The following PDC variants were observed in gnomAD, a reference collection of about 807,000 sequenced individuals.
PDC encodes 33 kDa phototransducing protein.
In PDC, 19 loss-of-function variants were observed where a neutral mutation model predicts 22.2. That is an observed-to-expected ratio of 0.86 (90% CI 0.60 to 1.26). The LOEUF (loss-of-function observed/expected upper bound fraction) is 1.26, where lower values mean the gene tolerates loss of function less well. Among genes scored for constraint, PDC ranks in the 50% most tolerant of loss-of-function variants. The pLI, the probability that PDC is intolerant of heterozygous loss-of-function variation, is 0.00. For synonymous variants in PDC, 97 were observed against 96.2 expected (o/e 1.01, Z -0.05); for missense variants, 274 against 286.8 (o/e 0.96, Z 0.32).
intron 1 of PDC, among the ~76,000 whole-genome samples, chr1:186,458,987 C>T (rs887117302): frequency 6.6e-6 from 1 of 152,120 alleles, no homozygotes; most frequent in African/African-American, 2.4e-5. Context: ...CATGGCAAAA[C>T]CCCATCTCTA....
intron 3 of PDC, 126 bp from the exon 4 acceptor site, chr1:186,444,632 A>T: frequency 3.3e-6 from 2 of 607,864 alleles, no homozygotes; most frequent in Non-Finnish European, 5.7e-6. Flanking sequence ...CCTACCTTTC[A>T]CTCCTGATGT....
In PDC at chr1:186,444,141, T is replaced by G; in HGVS notation, c.579A>C (p.Lys193Asn). ...LDVLPTLLIY[K>N]GGELISNFIS... ...TAAAATTGCTTATGAGTTCCCCACC[T>G]TTATAGATGAGCAGTGTAGGAAGTA... Residue 193 changes from lysine to asparagine, a missense_variant, in exon 4 of 4, where the codon AAA (lysine) becomes AAC (asparagine). By Grantham distance (94) the Lys-to-Asn change is moderately conservative. Transcript: ENST00000391997. 1 of 1,613,970 alleles carries G rather than the reference T, an allele frequency of 6.2e-7. No individual in the cohort carries two copies. The highest frequency in any genetic ancestry group is 8.5e-7 in the Non-Finnish European group (1 of 1,179,882).
chr1:186,455,908 T>C (rs192463787), intron 1 of PDC, among the ~76,000 whole-genome samples: 1 of 131,370 alleles, frequency 7.6e-6, no homozygotes, highest in African/African-American at 2.9e-5. Context: ...GGAGGCGGAG[T>C]TTGCAGTGAG....
intron 1 of PDC, among the ~76,000 whole-genome samples, chr1:186,455,995 ATAT>A (rs1235840194): frequency 7.4e-3 from 411 of 55,462 alleles, no homozygotes; most frequent in Middle Eastern, 0.033. Flanking sequence ...AAAAAAAAAA[ATAT>A]ATATATATAT....
intron 1 of PDC, among the ~76,000 whole-genome samples, chr1:186,453,760 C>G (rs1412534156): frequency 1.3e-5 from 2 of 152,090 alleles, no homozygotes; most frequent in South Asian, 4.2e-4. Context: ...CTACTATGTG[C>G]GGGGTACTCT....
Position 186,444,249 on chromosome 1 carries a change from G to T in PDC, c.471C>A (p.Cys157Ter), listed in dbSNP as rs748845328. ...TAACTATAGGGTATTCTGCTGCAAG[G>T]CATGTTAAACTACTGTTTAGAGCAT... ...GCDALNSSLT[C>*]LAAEYPIVKF... is the part of the protein sequence containing the mutation. Residue 157 changes from cysteine to a stop codon, truncating the protein, a stop_gained, in exon 4 of 4, where the codon TGC becomes TGA. Transcript: ENST00000391997. LOFTEE classifies it high-confidence loss of function. The T allele has an allele frequency of 6.2e-7, 1 of 1,613,990 alleles. No individual in the cohort carries two copies. The highest frequency in any genetic ancestry group is 1.1e-5 in the South Asian group (1 of 91,066).
rs41264616 is a variant in PDC, at chr1:186,448,814, T to G, written c.61+585A>C. 1,752 of 186,804 alleles carry G rather than the reference T, an allele frequency of 9.4e-3. 16 individuals are homozygous for G. Among genetic ancestry groups the G allele is most frequent in the Middle Eastern group, 0.036 (13 of 362 alleles). The allele number at this position is 186,804 out of a possible 1,614,324, so 11.6% of individuals were successfully genotyped here. On this transcript the variant is annotated intron_variant, in intron 2 of 3. Coordinates refer to ENST00000391997, the MANE Select transcript of PDC (RefSeq NM_002597.5). ...AAGAGAGAGGAAATTACCATTCAAA[T>G]AAGATTTAGTAGAGTTAAATGTGAA... is the stretch of plus-strand genomic sequence containing the variant.
chr1:186,444,358 T>G lies in PDC; in HGVS notation c.362A>C (p.Lys121Thr). The G allele has an allele frequency of 6.2e-7, 1 of 1,614,100 alleles. No homozygotes were observed. The highest frequency in any genetic ancestry group is 1.1e-5 in the South Asian group (1 of 91,078). ...YGFVYELETG[K>T]QFLETIEKEL... is the part of the protein sequence containing the mutation. The stretch of plus-strand genomic sequence containing the variant: ...CTTTTCAATTGTTTCTAGGAATTGC[T>G]TTCCAGTTTCCAGCTCATACACAAA... The change falls in exon 4 of 4, where the codon AAG (lysine) becomes ACG (threonine). Residue 121 changes from lysine (K) to threonine (T), a missense_variant. Transcript: ENST00000391997.
chr1:186,457,005 G>A (rs933337904), intron 1 of PDC, among the ~76,000 whole-genome samples: 7 of 152,130 alleles, frequency 4.6e-5, no homozygotes, highest in Admixed American at 1.3e-4. Context: ...TGTGCCCCAC[G>A]GAGTGTCACA....
In PDC at chr1:186,443,769, C is replaced by A; in HGVS notation, c.*210G>T. The A allele has an allele frequency of 2.0e-6, 1 of 505,234 alleles. No individual in the cohort carries two copies. 31.3% of individuals were successfully genotyped at this position (505,234 alleles called of 1,614,324 possible). A position where few individuals can be genotyped will look rare whatever the true frequency, so the allele number is the denominator to read the frequency against. On this transcript the variant is annotated 3_prime_UTR_variant, in exon 4 of 4. Transcript: ENST00000391997. ...TCCTCTTTGTCTACTAATAATGTTGCTGAAGACAGCTCTGTTTTGTAGTCA... is the reference window on the plus strand; with the variant it reads ...TCCTCTTTGTCTACTAATAATGTTGATGAAGACAGCTCTGTTTTGTAGTCA...
intron 1 of PDC, chr1:186,451,035 C>G (rs949544819): frequency 2.0e-5 from 3 of 152,088 alleles, no homozygotes; most frequent in Non-Finnish European, 2.9e-5. Context: ...CACTTCAATC[C>G]TGCATTTGGT....
At chr1:186,452,720 T>C (rs1043458655) in intron 1 of PDC, among the ~76,000 whole-genome samples, 6 of 152,246 alleles carry the variant, frequency 3.9e-5, no homozygotes, top group African/African-American at 1.4e-4. Flanking sequence ...TTAAAAGATT[T>C]CATGTCTACT....
chr1:186,446,121 T>C (rs535971639), intron 3 of PDC, among the ~76,000 whole-genome samples: 1 of 152,334 alleles, frequency 6.6e-6, no homozygotes, highest in East Asian at 1.9e-4. Context: ...TCTTTACATG[T>C]TTTCAAAACA....
chr1:186,446,367 T>G (rs991583886), intron 3 of PDC, 59 bp downstream of exon 3: 2 of 1,262,138 alleles, frequency 1.6e-6, no homozygotes, highest in African/African-American at 3.0e-5. Flanking sequence ...TTCTCTAGAT[T>G]GATTTAGATT....
rs56927589 is a variant in PDC at position 186,459,752 on chromosome 1, GTATATATATATATA to G, written c.-25+1293_-25+1306del. ...TACAATGGACAATATGTGTGTGTGT[GTATATATATATATA>G]TATATATATATATATTTAAAATGGA... On this transcript the variant is annotated intron_variant, in intron 1 of 3. Coordinates refer to ENST00000391997, the MANE Select transcript of PDC (RefSeq NM_002597.5). Among the ~76,000 whole-genome samples the G allele has an allele frequency of 1.5e-3, 169 of 112,114 alleles. 1 individual carries two copies. The highest frequency in any genetic ancestry group is 3.4e-3 in the Admixed American group (36 of 10,636). 73.6% of individuals were successfully genotyped at this position (112,114 alleles called of 152,430 possible).
At chr1:186,452,588 C>T (rs1662375545) in intron 1 of PDC, among the ~76,000 whole-genome samples, 1 of 152,180 alleles carries the variant, frequency 6.6e-6, no homozygotes, top group African/African-American at 2.4e-5. Flanking sequence ...AATTTCGGCA[C>T]ATAATAACTG....
chr1:186,452,164 A>C lies in PDC; in HGVS notation c.-24-2681T>G, dbSNP rs185861690. 7.6e-3 allele frequency among the ~76,000 whole-genome samples: 1,155 copies of C among 152,200 alleles called. 1 individual carries two copies. Among genetic ancestry groups the C allele is most frequent in the Middle Eastern group, 0.017 (5 of 294 alleles). Reference sequence around the variant, plus strand: ...TTCCTATTAATTTATCCTGTCACCAACTCACTCTGGGGTTTTCTGATTATC... The same window carrying C: ...TTCCTATTAATTTATCCTGTCACCACCTCACTCTGGGGTTTTCTGATTATC... On this transcript the variant is annotated intron_variant, in intron 1 of 3. Transcript: ENST00000391997.
At chr1:186,448,994 TATC>T (rs1209159306) in intron 2 of PDC, among the ~76,000 whole-genome samples, 1 of 152,104 alleles carries the variant, frequency 6.6e-6, no homozygotes, top group African/African-American at 2.4e-5. Flanking sequence ...GGGAATATCT[TATC>T]ATTCCCTTTA....
Position 186,443,947 on chromosome 1 carries a change from G to A in PDC, c.*32C>T, listed in dbSNP as rs1662160170. 2 of 1,515,752 alleles carry A rather than the reference G, an allele frequency of 1.3e-6. No homozygotes were observed. Among genetic ancestry groups the A allele is most frequent in the Non-Finnish European group, 1.8e-6 (2 of 1,100,132 alleles). 93.9% of individuals were successfully genotyped at this position (1,515,752 alleles called of 1,614,324 possible). A position where few individuals can be genotyped will look rare whatever the true frequency, so the allele number is the denominator to read the frequency against. On this transcript the variant is annotated 3_prime_UTR_variant, in exon 4 of 4. Coordinates refer to ENST00000391997, the MANE Select transcript of PDC (RefSeq NM_002597.5). ...CCAAAACCATCATCCAATACCTAAA[G>A]GATAAACATGAGATATTGACATAGT... is the stretch of plus-strand genomic sequence containing the variant.
Sources: allele counts gnomAD v4.1 joint callset (sites outside exome capture counted in the v4.1 genomes callset), GRCh38; gene constraint gnomAD v4.1.1; transcripts MANE v1.5; gene names NCBI Gene and HGNC (gene_info 2026-07-23, HGNC 2026-07-21).